Variants in TENM4 observed in about 807,000 individuals in gnomAD.
TENM4 encodes teneurin transmembrane protein 4, also known as teneurin-4.
In TENM4, 82 loss-of-function variants were observed where a neutral mutation model predicts 243.3. The ratio of observed to expected loss-of-function variants is 0.34; its 90% CI spans 0.28 to 0.40. The LOEUF is 0.40. Ranked by LOEUF, TENM4 falls within the 10% of genes least tolerant of loss-of-function variation. The pLI is 1.00. For missense variants in TENM4, 3,138 were observed against 3,673.3 expected, an observed-to-expected ratio of 0.85 and a Z score of 3.77; for synonymous variants, 1,412 against 1,456.3, an observed-to-expected ratio of 0.97 and a Z score of 0.69.
intron 18 of TENM4, among the ~76,000 whole-genome samples, chr11:78,767,233 T>G (rs1316671824): frequency 6.6e-6 from 1 of 152,192 alleles, no homozygotes; most frequent in Non-Finnish European, 1.5e-5. Context: ...GCTGTGTGAC[T>G]TCTGCGAAAT....
At chr11:78,783,436 A>C (rs573630083) in intron 16 of TENM4, among the ~76,000 whole-genome samples, 23 of 152,276 alleles carry the variant, frequency 1.5e-4, no homozygotes, top group African/African-American at 5.3e-4. Flanking sequence ...TTTCTTCATG[A>C]GATATTTTTA....
At chr11:79,083,653 CCTGTG>C (rs1250846733) in intron 4 of TENM4, among the ~76,000 whole-genome samples, 1 of 152,298 alleles carries the variant, frequency 6.6e-6, no homozygotes, top group Admixed American at 6.5e-5. Context: ...AAACTTACCT[CCTGTG>C]AGAGCCTTCC....
chr11:78,829,749 G>T (rs1857935037), intron 12 of TENM4, among the ~76,000 whole-genome samples: 1 of 152,142 alleles, frequency 6.6e-6, no homozygotes. Context: ...AGGGATTATA[G>T]TATTAGCAAG....
At chr11:79,295,347 C>T (rs1373688299) in intron 2 of TENM4, among the ~76,000 whole-genome samples, 2 of 152,190 alleles carry the variant, frequency 1.3e-5, no homozygotes, top group Admixed American at 1.3e-4. Context: ...AGAGCTTCGC[C>T]TCCTCCCATG....
At chr11:79,040,650 A>G (rs2136899204) in intron 6 of TENM4, among the ~76,000 whole-genome samples, 1 of 152,300 alleles carries the variant, frequency 6.6e-6, no homozygotes, top group South Asian at 2.1e-4. Flanking sequence ...TGGCCAGCAC[A>G]GCCTGGAGAG....
chr11:79,144,894 A>T (rs1482431384), intron 4 of TENM4, among the ~76,000 whole-genome samples: 2 of 152,158 alleles, frequency 1.3e-5, no homozygotes, highest in African/African-American at 4.8e-5. Context: ...AGTCAACAAT[A>T]ATTTATTGTA....
intron 4 of TENM4, among the ~76,000 whole-genome samples, chr11:79,113,273 G>T (rs1861543992): frequency 6.6e-6 from 1 of 152,054 alleles, no homozygotes; most frequent in African/African-American, 2.4e-5. Flanking sequence ...GGGGAAGGCT[G>T]TCTTGGAGTG....
intron 4 of TENM4, among the ~76,000 whole-genome samples, chr11:79,138,334 A>C (rs1201576470): frequency 1.6e-5 from 2 of 122,758 alleles, no homozygotes; most frequent in Non-Finnish European, 3.2e-5. Context: ...TATATATTAT[A>C]TATATAATAT....
chr11:79,112,117 G>A (rs966615889), intron 4 of TENM4, among the ~76,000 whole-genome samples: 4 of 152,030 alleles, frequency 2.6e-5, no homozygotes, highest in African/African-American at 9.7e-5. Flanking sequence ...GCCCAGCCAT[G>A]AACACGTTCC....
intron 2 of TENM4, among the ~76,000 whole-genome samples, chr11:79,278,093 T>A (rs1361348167): frequency 2.0e-5 from 3 of 152,156 alleles, no homozygotes; most frequent in African/African-American, 7.2e-5. Flanking sequence ...AGAAAGCAGA[T>A]TTGAGAGAGA....
intron 2 of TENM4, among the ~76,000 whole-genome samples, chr11:79,263,448 T>C (rs1388635921): frequency 1.3e-5 from 2 of 152,240 alleles, no homozygotes; most frequent in Admixed American, 6.5e-5. Flanking sequence ...AATGAGTTTC[T>C]TTATTTCCCA....
At chr11:78,958,761 A>G (rs1264876192) in intron 6 of TENM4, among the ~76,000 whole-genome samples, 1 of 152,202 alleles carries the variant, frequency 6.6e-6, no homozygotes, top group Non-Finnish European at 1.5e-5. Context: ...CACCATAGGA[A>G]ACTGTCTCAT....
intron 1 of TENM4, among the ~76,000 whole-genome samples, chr11:79,358,553 T>C (rs1857535266): frequency 6.6e-6 from 1 of 152,182 alleles, no homozygotes; most frequent in Non-Finnish European, 1.5e-5. Flanking sequence ...TGTAAGAAGC[T>C]GCATTCAAAA....
intron 6 of TENM4, among the ~76,000 whole-genome samples, chr11:78,926,661 AAT>A (rs752129142): frequency 1.1e-4 from 17 of 149,542 alleles, no homozygotes; most frequent in Non-Finnish European, 2.1e-4. Context: ...AATAATTAAA[AAT>A]AAAGGTGTTT....
chr11:79,384,777 T>A (rs1858074079), intron 1 of TENM4, among the ~76,000 whole-genome samples: 1 of 151,464 alleles, frequency 6.6e-6, no homozygotes, highest in African/African-American at 2.4e-5. Context: ...AATATAAAAA[T>A]TAGCTGGGAG....
intron 6 of TENM4, among the ~76,000 whole-genome samples, chr11:78,938,999 C>A (rs777829649): frequency 2.0e-4 from 30 of 152,150 alleles, no homozygotes; most frequent in Non-Finnish European, 3.7e-4. Context: ...GTGGTAACAC[C>A]TTTTCTTGGT....
chr11:79,019,493 A>G (rs1050188414), intron 6 of TENM4, among the ~76,000 whole-genome samples: 1 of 152,174 alleles, frequency 6.6e-6, no homozygotes, highest in Non-Finnish European at 1.5e-5. Context: ...GAAAAGGCAG[A>G]ATCATTGTCC....
chr11:78,757,087 C>A (rs1856329226), intron 18 of TENM4, 66 bp from the exon 19 acceptor site: 1 of 1,461,746 alleles, frequency 6.8e-7, no homozygotes. Flanking sequence ...ATCCAGAATG[C>A]CTTAATTCAT....
chr11:78,988,107 A>C (rs1466829693), intron 6 of TENM4, among the ~76,000 whole-genome samples: 2 of 152,238 alleles, frequency 1.3e-5, no homozygotes, highest in Non-Finnish European at 1.5e-5. Flanking sequence ...TTTGACTTCC[A>C]AGGCTAGCAC....
Sources: gnomAD v4.1 joint callset for allele counts (sites outside exome capture counted in the v4.1 genomes callset) on GRCh38, gnomAD v4.1.1 for gene constraint, MANE v1.5 for transcripts, NCBI Gene and HGNC (gene_info 2026-07-23, HGNC 2026-07-21) for gene names.